Variants in CCDC50 observed in about 807,000 individuals in gnomAD.
CCDC50 encodes coiled-coil domain-containing protein 50.
A neutral mutation model predicts 70.2 loss-of-function variants in CCDC50; 54 were observed. That is an observed-to-expected ratio of 0.77 (90% confidence interval 0.62 to 0.96). The LOEUF is 0.96. CCDC50 is among the 50% of genes least tolerant of loss of function. The probability of loss-of-function intolerance (pLI) is 0.00; values close to 1 mark genes in which losing one functional copy is unlikely to be tolerated. For synonymous variants in CCDC50, 216 were observed against 198.8 expected (o/e 1.09, Z -0.73); for missense variants, 558 against 578.7 (o/e 0.96, Z 0.37).
chr3:191,354,367 A>G (rs1290296089), intron 1 of CCDC50, among the ~76,000 whole-genome samples: 1 of 151,998 alleles, frequency 6.6e-6, no homozygotes, highest in South Asian at 2.1e-4. Flanking sequence ...ATTTTTTTTA[A>G]CCATAGGTAT....
chr3:191,377,469 G>A (rs1713156369), intron 6 of CCDC50, among the ~76,000 whole-genome samples: 1 of 152,000 alleles, frequency 6.6e-6, no homozygotes, highest in Non-Finnish European at 1.5e-5. Flanking sequence ...AGGGCAATGG[G>A]TACTTAACCT....
At chr3:191,363,004 G>A (rs946238324) in intron 4 of CCDC50, among the ~76,000 whole-genome samples, 3 of 151,842 alleles carry the variant, frequency 2.0e-5, no homozygotes, top group African/African-American at 7.3e-5. Flanking sequence ...TTGTAGACAG[G>A]AAAGCTTCTA....
rs1713825899 is a variant in CCDC50, at chr3:191,395,258, T to C, written c.*3498T>C. 6.6e-6 allele frequency: 1 copy of C among 152,178 alleles called. No individual in the cohort carries two copies. Among genetic ancestry groups the C allele is most frequent in the South Asian group, 2.1e-4 (1 of 4,832 alleles). The allele number at this position is 152,178 out of a possible 1,614,324, so 9.4% of individuals were successfully genotyped here. ...GAGTAAATTCTTTGCTGACTGTTGC[T>C]CATCACTTTCTCTCAAAGTTAGAAC... On this transcript the variant is annotated 3_prime_UTR_variant, in exon 12 of 12. Transcript: ENST00000392455.
At chr3:191,386,287 C>T (rs58648691) in intron 10 of CCDC50, among the ~76,000 whole-genome samples, 8,982 of 140,446 alleles carry the variant, frequency 0.064, 496 homozygotes, top group East Asian at 0.29. Flanking sequence ...TGCAGTGGCA[C>T]GACCTGGGCT....
In CCDC50 at chr3:191,333,116, T is replaced by G. The variant is rs902937481; in HGVS notation, c.49+3393T>G. Among the ~76,000 whole-genome samples the G allele has an allele frequency of 3.9e-5, 6 of 152,182 alleles. No homozygotes were observed. In the South Asian group the frequency reaches 1.2e-3, roughly 31 times the overall value. On this transcript the variant is annotated intron_variant, in intron 1 of 11. Coordinates refer to ENST00000392455, the MANE Select transcript of CCDC50 (RefSeq NM_178335.3). ...CAAAGTTGGTGAATTCTGTGTGTGT[T>G]GGTGTGCATGTGTGTGCTTAACATC...
Position 191,393,577 on chromosome 3 carries a change from A to G in CCDC50, c.*1817A>G, listed in dbSNP as rs879122903. ...ATCATCTGAGTTAAGTTTTGGGCAA[A>G]TGTTAATCAGAAAGATAATCTACAT... On this transcript the variant is annotated 3_prime_UTR_variant, in exon 12 of 12. Coordinates refer to ENST00000392455, the MANE Select transcript of CCDC50 (RefSeq NM_178335.3). The G allele has an allele frequency of 5.9e-5, 9 of 152,316 alleles. No homozygotes were observed. In the South Asian group the frequency reaches 1.9e-3, roughly 32 times the overall value. 9.4% of individuals were successfully genotyped at this position (152,316 alleles called of 1,614,324 possible).
At chr3:191,341,998 G>C (rs1021712903) in intron 1 of CCDC50, among the ~76,000 whole-genome samples, 20 of 152,186 alleles carry the variant, frequency 1.3e-4, no homozygotes, top group African/African-American at 4.3e-4. Context: ...CTCCTAGGTT[G>C]TATAAAACTG....
chr3:191,383,463 T>C (rs1713390298), intron 10 of CCDC50, among the ~76,000 whole-genome samples: 1 of 151,864 alleles, frequency 6.6e-6, no homozygotes, highest in East Asian at 1.9e-4. Context: ...AAAGAAAACA[T>C]GATTGGAATG....
intron 6 of CCDC50, among the ~76,000 whole-genome samples, chr3:191,376,571 G>A (rs1397603344): frequency 2.0e-5 from 3 of 152,138 alleles, no homozygotes; most frequent in Non-Finnish European, 4.4e-5. Flanking sequence ...TTCAGGTTAA[G>A]TTGGTTTTTC....
chr3:191,364,352 C>A (rs998405242), intron 4 of CCDC50, among the ~76,000 whole-genome samples: 3 of 151,394 alleles, frequency 2.0e-5, no homozygotes, highest in African/African-American at 7.3e-5. Flanking sequence ...TAGGTACGAG[C>A]CACCGCGCCC....
chr3:191,338,541 T>C (rs946722693), intron 1 of CCDC50, among the ~76,000 whole-genome samples: 4 of 152,212 alleles, frequency 2.6e-5, no homozygotes, highest in African/African-American at 9.6e-5. Flanking sequence ...CTAGAAAATA[T>C]TTTCAATTCT....
chr3:191,350,499 T>G (rs293798), intron 1 of CCDC50, among the ~76,000 whole-genome samples: 73,625 of 140,878 alleles, frequency 0.52, 26,553 homozygotes, highest in East Asian at 0.92. Flanking sequence ...ATGGAAGCTT[T>G]TAAAGATGAA....
At chr3:191,367,760 T>A (rs1369031112) in intron 4 of CCDC50, among the ~76,000 whole-genome samples, 1 of 152,158 alleles carries the variant, frequency 6.6e-6, no homozygotes, top group East Asian at 1.9e-4. Context: ...AAATATTTGT[T>A]TACTGTAAAG....
chr3:191,394,565 T>C lies in CCDC50; in HGVS notation c.*2805T>C, dbSNP rs1242898057. 1.3e-5 allele frequency: 2 copies of C among 152,206 alleles called. No individual in the cohort carries two copies. Among genetic ancestry groups the C allele is most frequent in the African/African-American group, 4.8e-5 (2 of 41,464 alleles). The allele number at this position is 152,206 out of a possible 1,614,324, so 9.4% of individuals were successfully genotyped here. On this transcript the variant is annotated 3_prime_UTR_variant, in exon 12 of 12. Transcript: ENST00000392455. ...TATGCTTTAATGTTGTGATGTAAACTAATACTTCTGGCCTGGGAAAACCTT... is the reference window on the plus strand; with the variant it reads ...TATGCTTTAATGTTGTGATGTAAACCAATACTTCTGGCCTGGGAAAACCTT...
intron 6 of CCDC50, among the ~76,000 whole-genome samples, chr3:191,377,020 C>T (rs907751860): frequency 6.6e-6 from 1 of 152,108 alleles, no homozygotes; most frequent in Non-Finnish European, 1.5e-5. Flanking sequence ...TGACACTAAA[C>T]GCTGACTCAC....
At chr3:191,331,325 A>G (rs929036488) in intron 1 of CCDC50, among the ~76,000 whole-genome samples, 31 of 152,192 alleles carry the variant, frequency 2.0e-4, no homozygotes, top group Admixed American at 6.5e-5. Context: ...CTTCATATAC[A>G]TTTATATTAC....
At chr3:191,370,970 C>T (rs1712893876) in intron 5 of CCDC50, among the ~76,000 whole-genome samples, 1 of 152,102 alleles carries the variant, frequency 6.6e-6, no homozygotes, top group Admixed American at 6.5e-5. Context: ...TAACCTTTCT[C>T]AAGAAGTCTG....
Position 191,329,613 on chromosome 3 carries a change from G to T in CCDC50, c.-62G>T, listed in dbSNP as rs956668408. On this transcript the variant is annotated 5_prime_UTR_variant, in exon 1 of 12. Transcript: ENST00000392455. The stretch of plus-strand genomic sequence containing the variant: ...GCGCTGCTGCTGCGCTCGGGGCCCC[G>T]CTCGGCGCCGGCGGTGACCGGGAAG... 1.3e-6 allele frequency: 2 copies of T among 1,554,660 alleles called. No individual in the cohort carries two copies. The highest frequency in any genetic ancestry group is 2.4e-5 in the South Asian group (2 of 84,994).
At chr3:191,373,080 TATGTG>T (rs1330182916) in intron 5 of CCDC50, among the ~76,000 whole-genome samples, 1 of 135,940 alleles carries the variant, frequency 7.4e-6, no homozygotes, top group Non-Finnish European at 1.7e-5. Context: ...TGTGTATAAA[TATGTG>T]TGTGTGTGTG....
Sources: allele counts gnomAD v4.1 joint callset (sites outside exome capture counted in the v4.1 genomes callset), GRCh38; gene constraint gnomAD v4.1.1; transcripts MANE v1.5; gene names NCBI Gene and HGNC (gene_info 2026-07-23, HGNC 2026-07-21).